The following SLC35F4 variants were observed in gnomAD, a reference collection of about 807,000 sequenced individuals.
The protein encoded by SLC35F4 is solute carrier family 35 member F4.
Under a neutral mutation model 44.2 loss-of-function variants are expected in SLC35F4, and 24 were observed. That is an observed-to-expected ratio of 0.54 (90% CI 0.39 to 0.76). The LOEUF (loss-of-function observed/expected upper bound fraction) is 0.76, where lower values mean the gene tolerates loss of function less well. SLC35F4 is among the 30% of genes least tolerant of loss of function. The pLI is 0.00. For synonymous variants in SLC35F4, 238 were observed against 223.6 expected (o/e 1.06, Z -0.57); for missense variants, 562 against 586.1 (o/e 0.96, Z 0.42).
At chr14:57,641,916 G>C (rs549204639) in intron 1 of SLC35F4, among the ~76,000 whole-genome samples, 2 of 152,096 alleles carry the variant, frequency 1.3e-5, no homozygotes, top group East Asian at 3.9e-4. Flanking sequence ...TTTCCTAAAA[G>C]CCATTATTTG....
At chr14:57,772,448 T>C (rs931859890) in intron 1 of SLC35F4, among the ~76,000 whole-genome samples, 1 of 152,176 alleles carries the variant, frequency 6.6e-6, no homozygotes, top group Admixed American at 6.5e-5. Context: ...CTGGTGGGGA[T>C]TGGGCTTCTA....
chr14:57,914,431 C>T (rs187485463), intron 1 of SLC35F4, among the ~76,000 whole-genome samples: 5 of 152,198 alleles, frequency 3.3e-5, no homozygotes, highest in East Asian at 3.9e-4. Context: ...GGCATGGTGG[C>T]GGGCGCCTGT....
intron 1 of SLC35F4, among the ~76,000 whole-genome samples, chr14:57,932,968 A>G (rs1236319329): frequency 1.3e-5 from 2 of 152,094 alleles, no homozygotes; most frequent in Admixed American, 6.6e-5. Context: ...ACCATGGGAA[A>G]ATATCATTCC....
chr14:57,709,209 G>A (rs1003827634), intron 1 of SLC35F4, among the ~76,000 whole-genome samples: 15 of 152,084 alleles, frequency 9.9e-5, no homozygotes, highest in African/African-American at 3.6e-4. Context: ...TAAGTAGCAG[G>A]TGTTTTTCCT....
intron 1 of SLC35F4, among the ~76,000 whole-genome samples, chr14:57,937,193 G>T (rs534887931): frequency 2.6e-4 from 39 of 151,570 alleles, no homozygotes; most frequent in African/African-American, 9.4e-4. Context: ...TCAGTCTCCC[G>T]AGTAGCTGGG....
At chr14:57,596,492 C>CT (rs1215222401) in intron 1 of SLC35F4, 1 of 342,842 alleles carries the variant, frequency 2.9e-6, no homozygotes, top group African/African-American at 2.2e-5. Context: ...CTCCAAGAGT[C>CT]TTTTAAAATT....
At chr14:57,971,795 G>C (rs548492712), downstream of SLC35F4, among the ~76,000 whole-genome samples, 1 of 152,298 alleles carries the variant, frequency 6.6e-6, no homozygotes, top group South Asian at 2.1e-4. Flanking sequence ...TATAAGGTGG[G>C]AAAGTTCTAG....
intron 1 of SLC35F4, among the ~76,000 whole-genome samples, chr14:57,767,213 G>A (rs914344190): frequency 2.0e-5 from 3 of 152,136 alleles, no homozygotes; most frequent in African/African-American, 4.8e-5. Flanking sequence ...TAGAGGATCT[G>A]AACAATACAA....
chr14:57,836,879 A>C (rs1884987308), intron 1 of SLC35F4, among the ~76,000 whole-genome samples: 1 of 152,184 alleles, frequency 6.6e-6, no homozygotes, highest in African/African-American at 2.4e-5. Flanking sequence ...CATCACACCT[A>C]AAAAAATTAA....
intron 1 of SLC35F4, among the ~76,000 whole-genome samples, chr14:57,768,134 C>G (rs2077276986): frequency 6.6e-6 from 1 of 152,176 alleles, no homozygotes; most frequent in Admixed American, 6.5e-5. Flanking sequence ...TTCTAACTCA[C>G]TTTGTGAGGC....
At chr14:57,859,113 GA>G (rs1329050636) in intron 1 of SLC35F4, among the ~76,000 whole-genome samples, 1 of 151,756 alleles carries the variant, frequency 6.6e-6, no homozygotes, top group East Asian at 1.9e-4. Context: ...CTCTTAAAAA[GA>G]AAGGGGGCTT....
At chr14:57,929,882 T>A (rs576892253) in intron 1 of SLC35F4, among the ~76,000 whole-genome samples, 2 of 152,310 alleles carry the variant, frequency 1.3e-5, no homozygotes, top group East Asian at 3.9e-4. Flanking sequence ...AGCTTTGGGA[T>A]GGGTGTCATC....
At chr14:57,837,342 G>C in intron 1 of SLC35F4, 1 of 152,280 alleles carries the variant, frequency 6.6e-6, no homozygotes, top group Middle Eastern at 3.4e-3. Flanking sequence ...GCAGAAGGGA[G>C]GTATGATGGA....
At chr14:57,693,846 C>A (rs116542930) in intron 1 of SLC35F4, among the ~76,000 whole-genome samples, 3,258 of 152,194 alleles carry the variant, frequency 0.021, 35 homozygotes, top group Middle Eastern at 0.037. Flanking sequence ...TATGCCCACA[C>A]AGCACAGGTG....
chr14:57,789,528 C>G (rs1179000786), intron 1 of SLC35F4, among the ~76,000 whole-genome samples: 2 of 152,106 alleles, frequency 1.3e-5, no homozygotes, highest in African/African-American at 2.4e-5. Flanking sequence ...AAAAAAAGCC[C>G]CGGACCAGAT....
chr14:57,954,707 C>T (rs1291242080), intron 1 of SLC35F4, among the ~76,000 whole-genome samples: 1 of 151,964 alleles, frequency 6.6e-6, no homozygotes, highest in Non-Finnish European at 1.5e-5. Context: ...CATATATACC[C>T]TCCCAAGACT....
chr14:57,666,067 T>C (rs2074297972), intron 1 of SLC35F4, among the ~76,000 whole-genome samples: 1 of 152,168 alleles, frequency 6.6e-6, no homozygotes, highest in African/African-American at 2.4e-5. Flanking sequence ...CAGACCCCTG[T>C]GACACAAGTT....
chr14:57,949,101 ATC>A (rs1473164537), intron 1 of SLC35F4, among the ~76,000 whole-genome samples: 43 of 152,220 alleles, frequency 2.8e-4, no homozygotes, highest in East Asian at 1.9e-4. Flanking sequence ...TGTCTTGATT[ATC>A]TGTCTAGTGC....
chr14:57,821,441 A>G (rs1883166840), intron 1 of SLC35F4, among the ~76,000 whole-genome samples: 2 of 152,246 alleles, frequency 1.3e-5, no homozygotes. Context: ...TTAAACTATC[A>G]ATAGCTTTTC....
Sources: allele counts gnomAD v4.1 joint callset (sites outside exome capture counted in the v4.1 genomes callset), GRCh38; gene constraint gnomAD v4.1.1; transcripts MANE v1.5; gene names NCBI Gene and HGNC (gene_info 2026-07-23, HGNC 2026-07-21).